The following ZNF3 variants were observed in gnomAD, a reference collection of about 807,000 sequenced individuals.
ZNF3 encodes zinc finger protein 3, also known as C2-H2 type zinc finger protein.
A neutral mutation model predicts 36.9 loss-of-function variants in ZNF3; 16 were observed. The observed-to-expected ratio is 0.43, with a 90% CI of 0.29 to 0.66. ZNF3 has a LOEUF of 0.66. ZNF3 is among the 30% of genes least tolerant of loss of function. The pLI is 0.13. For synonymous variants in ZNF3, 201 were observed against 201.9 expected, an observed-to-expected ratio of 1.00 and a Z score of 0.04; for missense variants, 462 against 543.1, an observed-to-expected ratio of 0.85 and a Z score of 1.48.
At chr7:100,075,764 T>G in intron 3 of ZNF3, 134 bp from the exon 4 acceptor site, 1 of 780,840 alleles carries the variant, frequency 1.3e-6, no homozygotes. Flanking sequence ...TTTCTAAGTT[T>G]GCTTCCTCTG....
chr7:100,071,046 A>G lies in ZNF3; in HGVS notation c.*97T>C. 1 of 1,498,654 alleles carries G rather than the reference A, an allele frequency of 6.7e-7. No homozygotes were observed. Among genetic ancestry groups the G allele is most frequent in the Non-Finnish European group, 8.9e-7 (1 of 1,126,220 alleles). The allele number at this position is 1,498,654 out of a possible 1,614,324, so 92.8% of individuals were successfully genotyped here. On this transcript the variant is annotated 3_prime_UTR_variant, in exon 6 of 6. Coordinates refer to ENST00000299667, the MANE Select transcript of ZNF3 (RefSeq NM_032924.5). ...CCCATTCTCTAAAATGAAAAGTCTG[A>G]GTTGAAAGGGACACATCCTAAGCTG...
chr7:100,075,152 C>G lies in ZNF3; in HGVS notation c.254G>C (p.Gly85Ala). ...CTCCTTACCCAGTGAGAACACATTC[C>G]CGTAATTCTCCAGCATCACATCTCT... ...LYRDVMLENY[G>A]NVFSLDRETR... The change falls in exon 5 of 6, where the codon GGG becomes GCG. Residue 85 changes from glycine to alanine, a missense_variant. Physicochemically the swap from Gly to Ala is moderately conservative, Grantham distance 60. Coordinates refer to ENST00000299667, the MANE Select transcript of ZNF3 (RefSeq NM_032924.5). 6.2e-7 allele frequency: 1 copy of G among 1,610,932 alleles called. No individual in the cohort carries two copies. The highest frequency in any genetic ancestry group is 8.5e-7 in the Non-Finnish European group (1 of 1,177,686).
At chr7:100,064,550 CCTT>C (rs966340241) in exon 6 of ZNF3, 6 of 1,614,190 alleles carry the variant, frequency 3.7e-6, no homozygotes, top group African/African-American at 1.3e-5. Context: ...TGTGGAAAGA[CCTT>C]CTGTAGCAAG....
downstream of ZNF3, among the ~76,000 whole-genome samples, chr7:100,068,022 G>C (rs1296909046): frequency 2.0e-5 from 3 of 152,210 alleles, no homozygotes; most frequent in Admixed American, 2.0e-4. Context: ...AAGTCCAGGT[G>C]TAACTGCTCT....
chr7:100,064,479 C>T (rs1431498132), exon 6 of ZNF3: 1 of 1,613,822 alleles, frequency 6.2e-7, no homozygotes, highest in Admixed American at 1.7e-5. Context: ...TCAACCACAG[C>T]TCCAACTTCA....
intron 3 of ZNF3, among the ~76,000 whole-genome samples, chr7:100,076,323 C>T (rs1237386893): frequency 1.3e-5 from 2 of 151,310 alleles, no homozygotes; most frequent in African/African-American, 4.9e-5. Context: ...GGTGGCGTCT[C>T]ACTCTGTCAC....
intron 5 of ZNF3, among the ~76,000 whole-genome samples, chr7:100,074,699 G>T (rs1793775316): frequency 6.6e-6 from 1 of 152,178 alleles, no homozygotes; most frequent in South Asian, 2.1e-4. Context: ...CTGTATAAAT[G>T]AGTTAAGATT....
chr7:100,070,876 A>G lies in ZNF3; in HGVS notation c.*267T>C. ...CTTGGAAAGGTTCCTCTGCTGTGAG[A>G]AAAACAGTTTAGTGCAAACTCCTTT... is the stretch of plus-strand genomic sequence containing the variant. On this transcript the variant is annotated 3_prime_UTR_variant, in exon 6 of 6. Coordinates refer to ENST00000299667, the MANE Select transcript of ZNF3 (RefSeq NM_032924.5). 2.4e-6 allele frequency: 3 copies of G among 1,230,192 alleles called. No individual in the cohort carries two copies. The highest frequency in any genetic ancestry group is 3.7e-5 in the East Asian group (1 of 27,168). 76.2% of individuals were successfully genotyped at this position (1,230,192 alleles called of 1,614,324 possible). A position where few individuals can be genotyped will look rare whatever the true frequency, so the allele number is the denominator to read the frequency against.
chr7:100,071,053 A>G lies in ZNF3; in HGVS notation c.*90T>C. On this transcript the variant is annotated 3_prime_UTR_variant, in exon 6 of 6. Coordinates refer to ENST00000299667, the MANE Select transcript of ZNF3 (RefSeq NM_032924.5). ...TCTAAAATGAAAAGTCTGAGTTGAA[A>G]GGGACACATCCTAAGCTGTTGAGAT... is the stretch of plus-strand genomic sequence containing the variant. 4 of 1,501,780 alleles carry G rather than the reference A, an allele frequency of 2.7e-6. No homozygotes were observed. The highest frequency in any genetic ancestry group is 2.5e-4 in the Middle Eastern group (1 of 3,952). 93.0% of individuals were successfully genotyped at this position (1,501,780 alleles called of 1,614,324 possible).
At chr7:100,069,413 G>A (rs540719062), downstream of ZNF3, among the ~76,000 whole-genome samples, 25 of 152,184 alleles carry the variant, frequency 1.6e-4, no homozygotes, top group African/African-American at 4.3e-4. Flanking sequence ...TAGCTGGGGC[G>A]TGGTGGTGCA....
chr7:100,075,411 G>A (rs983352260), intron 4 of ZNF3, 131 bp downstream of exon 4: 6 of 1,511,846 alleles, frequency 4.0e-6, no homozygotes, highest in Non-Finnish European at 5.5e-6. Flanking sequence ...GTCCAAGATA[G>A]AAGGTGAGGG....
chr7:100,075,303 T>C, intron 4 of ZNF3, 42 bp from the exon 5 acceptor site: 2 of 1,613,332 alleles, frequency 1.2e-6, no homozygotes, highest in Non-Finnish European at 1.7e-6. Context: ...GGGTGAGGAA[T>C]GTGAATGGCG....
In ZNF3 at chr7:100,075,580, C is replaced by T; in HGVS notation, c.106G>A (p.Glu36Lys). 2 of 1,614,170 alleles carry T rather than the reference C, an allele frequency of 1.2e-6. No individual in the cohort carries two copies. Among genetic ancestry groups the T allele is most frequent in the Non-Finnish European group, 1.7e-6 (2 of 1,180,024 alleles). Reference protein sequence around the residue: ...AFSDKDSLGDEMLAAALLKAK... With the variant: ...AFSDKDSLGDKMLAAALLKAK... ...TTTAGGAGCGCAGCCGCCAACATCT[C>T]ATCCCCCAGGCTGTCCTTGTCGGAA... Residue 36 changes from glutamate (E) to lysine (K), a missense_variant, in exon 4 of 6, where the codon GAG becomes AAG. Glu to Lys is a moderately conservative substitution (Grantham distance 56). Transcript: ENST00000299667.
At chr7:100,069,429 G>A (rs1364165556), downstream of ZNF3, among the ~76,000 whole-genome samples, 1 of 151,896 alleles carries the variant, frequency 6.6e-6, no homozygotes, top group Non-Finnish European at 1.5e-5. Context: ...GTGCACACCT[G>A]TAGTCCCAGC....
At chr7:100,067,037 C>CAAAAAAAAAAAAAAAAAAAAAAAA (rs922826523), downstream of ZNF3, among the ~76,000 whole-genome samples, 3 of 150,192 alleles carry the variant, frequency 2.0e-5, no homozygotes, top group Admixed American at 6.6e-5. Context: ...GATTCCATCT[C>CAAAAAAAAAAAAAAAAAAAAAAAA]AAAAAAAAAT....
downstream of ZNF3, among the ~76,000 whole-genome samples, chr7:100,068,410 A>G (rs1256270154): frequency 6.6e-6 from 1 of 151,432 alleles, no homozygotes; most frequent in African/African-American, 2.4e-5. Flanking sequence ...GTAGTGGCAC[A>G]TGCTTGTAAT....
At chr7:100,064,630 C>T (rs1180857155) in exon 6 of ZNF3, 1 of 1,607,574 alleles carries the variant, frequency 6.2e-7, no homozygotes, top group South Asian at 1.1e-5. Context: ...TTCAAGCGCT[C>T]CTGTTGTTGT....
chr7:100,074,084 C>T (rs1051263406), intron 5 of ZNF3, among the ~76,000 whole-genome samples: 6 of 151,770 alleles, frequency 4.0e-5, no homozygotes, highest in Non-Finnish European at 7.4e-5. Flanking sequence ...GAACGCAGGA[C>T]GCAGAGGTTG....
intron 5 of ZNF3, 136 bp from the exon 6 acceptor site, chr7:100,072,348 C>G: frequency 1.3e-6 from 1 of 795,010 alleles, no homozygotes; most frequent in South Asian, 1.9e-5. Flanking sequence ...CACATGTGTG[C>G]GGCTAAGGCA....
Sources: gnomAD v4.1 joint callset for allele counts (sites outside exome capture counted in the v4.1 genomes callset) on GRCh38, gnomAD v4.1.1 for gene constraint, MANE v1.5 for transcripts, NCBI Gene and HGNC (gene_info 2026-07-23, HGNC 2026-07-21) for gene names.